The following LINGO2 variants were observed in gnomAD, a reference collection of about 807,000 sequenced individuals.
LINGO2 encodes the protein leucine rich repeat and Ig domain containing 2.
Under a neutral mutation model 30.6 loss-of-function variants are expected in LINGO2, and 14 were observed. That is an observed-to-expected ratio of 0.46 (90% CI 0.30 to 0.72). The LOEUF is 0.72. Among genes scored for constraint, LINGO2 ranks in the 30% least tolerant of loss-of-function variants. The pLI is 0.07. For missense variants in LINGO2, 729 were observed against 751.7 expected, an observed-to-expected ratio of 0.97 and a Z score of 0.35; for synonymous variants, 317 against 288.5, an observed-to-expected ratio of 1.10 and a Z score of -1.00.
At chr9:28,678,974 G>A in the LINGO2 span, among the ~76,000 whole-genome samples, 1 of 152,198 alleles carries the variant, frequency 6.6e-6, no homozygotes, top group Admixed American at 6.5e-5. Context: ...CGATTTTGGG[G>A]ATGGTGGATC....
rs530917447 is a variant in LINGO2 at position 28,339,050 on chromosome 9, A to G, written c.-246+33786T>C. On this transcript the variant is annotated intron_variant, in intron 3 of 5. Transcript: ENST00000379992. ...AGCACAGCCTGAAGCATGCTCTCTA[A>G]GCATGAAATACCTTTGCAGTCTCTT... Among the ~76,000 whole-genome samples the G allele has an allele frequency of 5.3e-5, 8 of 152,270 alleles. No homozygotes were observed. In the East Asian group the frequency reaches 1.5e-3, roughly 29 times the overall value.
chr9:28,016,845 A>G (rs1822867312), intron 4 of LINGO2, among the ~76,000 whole-genome samples: 1 of 152,090 alleles, frequency 6.6e-6, no homozygotes, highest in Admixed American at 6.6e-5. Flanking sequence ...ATTCTATCAA[A>G]TCAGGAACCT....
chr9:28,582,079 G>A (rs1469140531), intron 1 of LINGO2, among the ~76,000 whole-genome samples: 4 of 151,800 alleles, frequency 2.6e-5, no homozygotes, highest in African/African-American at 7.3e-5. Flanking sequence ...AGCTCATCAG[G>A]CTACCTTAAA....
the LINGO2 span, among the ~76,000 whole-genome samples, chr9:28,946,240 G>C: frequency 2.0e-5 from 3 of 152,052 alleles, no homozygotes; most frequent in African/African-American, 7.2e-5. Flanking sequence ...AGGTAAAACA[G>C]AAGCAAATAT....
the LINGO2 span, among the ~76,000 whole-genome samples, chr9:29,043,164 A>T: frequency 1.3e-5 from 2 of 151,968 alleles, no homozygotes; most frequent in Non-Finnish European, 2.9e-5. Context: ...GATCAATGGA[A>T]ATCCATTATA....
the LINGO2 span, among the ~76,000 whole-genome samples, chr9:28,723,578 T>C: frequency 1.0e-2 from 1,516 of 152,166 alleles, 27 homozygotes; most frequent in African/African-American, 0.035. Flanking sequence ...GCTGGGCCAA[T>C]ATAAGAATGG....
intron 4 of LINGO2, among the ~76,000 whole-genome samples, chr9:28,071,829 AAT>A (rs1433897149): frequency 2.0e-5 from 3 of 152,114 alleles, no homozygotes; most frequent in African/African-American, 7.2e-5. Context: ...ATTGATATAA[AAT>A]ATATTTCTGA....
chr9:28,941,049 G>A, the LINGO2 span, among the ~76,000 whole-genome samples: 2 of 152,158 alleles, frequency 1.3e-5, no homozygotes, highest in South Asian at 4.1e-4. Context: ...AAGAAGGGAG[G>A]AAAGGAGGAA....
the LINGO2 span, among the ~76,000 whole-genome samples, chr9:28,882,380 A>G: frequency 3.4e-4 from 52 of 152,180 alleles, no homozygotes; most frequent in Non-Finnish European, 7.1e-4. Flanking sequence ...CAGCTCTGCC[A>G]TTTGCTAGTA....
the LINGO2 span, among the ~76,000 whole-genome samples, chr9:28,675,309 G>A: frequency 6.6e-6 from 1 of 152,136 alleles, no homozygotes; most frequent in Admixed American, 6.5e-5. Flanking sequence ...AGGTTAAATT[G>A]AATGCAATGG....
chr9:28,778,449 C>A, the LINGO2 span, among the ~76,000 whole-genome samples: 11 of 152,012 alleles, frequency 7.2e-5, no homozygotes, highest in Non-Finnish European at 1.5e-4. Flanking sequence ...CTGAAGACAC[C>A]ACCTTACTAC....
intron 4 of LINGO2, among the ~76,000 whole-genome samples, chr9:28,165,601 A>G (rs962823759): frequency 6.6e-6 from 1 of 152,226 alleles, no homozygotes; most frequent in Non-Finnish European, 1.5e-5. Flanking sequence ...GCATTCTGAA[A>G]TAAAAAATTA....
At chr9:27,955,109 G>C (rs948930869) in intron 5 of LINGO2, among the ~76,000 whole-genome samples, 1 of 151,994 alleles carries the variant, frequency 6.6e-6, no homozygotes, top group Non-Finnish European at 1.5e-5. Context: ...AAAAAGTCAT[G>C]GATATGTTTT....
chr9:28,822,852 C>T, the LINGO2 span, among the ~76,000 whole-genome samples: 1 of 152,034 alleles, frequency 6.6e-6, no homozygotes, highest in Non-Finnish European at 1.5e-5. Context: ...CTAATACATA[C>T]TGAAAAAATT....
the LINGO2 span, among the ~76,000 whole-genome samples, chr9:28,827,676 C>A: frequency 6.6e-6 from 1 of 152,006 alleles, no homozygotes; most frequent in Non-Finnish European, 1.5e-5. Context: ...ATTTGGAATT[C>A]TAGATGATTT....
intron 1 of LINGO2, among the ~76,000 whole-genome samples, chr9:28,646,334 G>C (rs891325438): frequency 6.6e-6 from 1 of 151,948 alleles, no homozygotes; most frequent in Non-Finnish European, 1.5e-5. Context: ...TAACATGCTG[G>C]GATAGTCATT....
intron 4 of LINGO2, among the ~76,000 whole-genome samples, chr9:28,095,033 A>G (rs1245147003): frequency 6.6e-6 from 1 of 152,178 alleles, no homozygotes; most frequent in Non-Finnish European, 1.5e-5. Flanking sequence ...TCTAATTAGA[A>G]TTCCACAATT....
rs998655369 is a variant in LINGO2 at position 28,147,837 on chromosome 9, C to T, written c.-86-135432G>A. 2.6e-5 allele frequency among the ~76,000 whole-genome samples: 4 copies of T among 152,158 alleles called. No individual in the cohort carries two copies. Among genetic ancestry groups the T allele is most frequent in the African/African-American group, 7.2e-5 (3 of 41,448 alleles). ...CACCCTCGCTGGGCTCCTAAGCACT[C>T]CTCCACACCCTGGCTCTGTCACCAG... On this transcript the variant is annotated intron_variant, in intron 4 of 5. Coordinates refer to ENST00000379992, the Ensembl canonical transcript of LINGO2. This position sits in a 1 kb window ranked among gnomAD's most constrained non-coding sequence, Gnocchi z 4.7.
intron 5 of LINGO2, among the ~76,000 whole-genome samples, chr9:27,986,877 A>G (rs1464265469): frequency 6.6e-6 from 1 of 151,862 alleles, no homozygotes; most frequent in African/African-American, 2.4e-5. Context: ...GGGATGTTCT[A>G]CTATCCAAGA....
Sources: gnomAD v4.1 joint callset for allele counts (sites outside exome capture counted in the v4.1 genomes callset) on GRCh38, gnomAD v4.1.1 for gene constraint, Gnocchi (gnomAD v3.1) non-coding constraint, MANE v1.5 for transcripts, NCBI Gene and HGNC (gene_info 2026-07-23, HGNC 2026-07-21) for gene names.